IRX5: variants seen among roughly 807,000 people sequenced by gnomAD.
IRX5 encodes iroquois homeobox 5.
IRX5 carries 8 observed loss-of-function variants against 37.6 expected under a neutral mutation model. The observed-to-expected ratio is 0.21, with a 90% confidence interval of 0.12 to 0.38. The LOEUF (loss-of-function observed/expected upper bound fraction) is 0.38. Ranked by LOEUF, IRX5 falls within the 10% of genes least tolerant of loss-of-function variation. The pLI, the probability that IRX5 is intolerant of heterozygous loss-of-function variation, is 1.00. For synonymous variants in IRX5, 359 were observed against 328.6 expected (o/e 1.09, Z -1.00); for missense variants, 635 against 695.2 (o/e 0.91, Z 0.97).
At position 54,931,409 on chromosome 16, in the gene IRX5, C is replaced by G. The variant is rs767362160; in HGVS notation, c.211C>G (p.Pro71Ala). The change falls in exon 1 of 3, where the codon CCC (proline) becomes GCC (alanine). Residue 71 changes from proline to alanine, a missense_variant. This residue lies in a region of IRX5 where 145 missense variants were observed against 152.4 expected (regional missense o/e 0.95). Transcript: ENST00000394636. ...CTCGCACCTCCAGTACGGCGCCGAC[C>G]CCGCGGCCGCCGCCGCCGCCGCCTT... ...YNSHLQYGAD[P>A]AAAAAAAFSS... 1 of 1,593,576 alleles carries G rather than the reference C, an allele frequency of 6.3e-7. No homozygotes were observed. Among genetic ancestry groups the G allele is most frequent in the South Asian group, 1.1e-5 (1 of 90,574 alleles).
At position 54,933,330 on chromosome 16, in the gene IRX5, C is replaced by T. The variant is rs1963926984; in HGVS notation, c.909C>T (p.Ala303=). ...CGCCGGCGCCCGGCCCGCATCCAGC[C>T]GCGGGCGAGGTGCCTCCGGGTCCCG... ...AGAPAPGPHP[A]AGEVPPGPGG... Residue 303 remains alanine (A), a synonymous_variant, in exon 3 of 3, where the codon GCC becomes GCT. Coordinates refer to ENST00000394636, the MANE Select transcript of IRX5 (RefSeq NM_005853.6). The T allele has an allele frequency of 6.8e-7, 1 of 1,467,930 alleles. No homozygotes were observed. Among genetic ancestry groups the T allele is most frequent in the Non-Finnish European group, 9.0e-7 (1 of 1,114,002 alleles). The allele number at this position is 1,467,930 out of a possible 1,614,324, so 90.9% of individuals were successfully genotyped here.
chr16:54,931,710 A>C (rs1385654218), intron 1 of IRX5, among the ~76,000 whole-genome samples: 1 of 152,256 alleles, frequency 6.6e-6, no homozygotes, highest in Non-Finnish European at 1.5e-5. Flanking sequence ...ATTAAAGAGC[A>C]GCATTTGGTG....
Position 54,932,040 on chromosome 16 carries a change from T to C in IRX5, c.250-458T>C. On this transcript the variant is annotated intron_variant, in intron 1 of 2. Coordinates refer to ENST00000394636, the MANE Select transcript of IRX5 (RefSeq NM_005853.6). This position sits in a 1 kb window ranked among gnomAD's most constrained non-coding sequence, Gnocchi z 6.7. ...TGCGTGGGCATGGCTCAGCTTTTTG[T>C]TTGCATTTCTTAGCTGTTGAAAAAA... 1 of 701,770 alleles carries C rather than the reference T, an allele frequency of 1.4e-6. No individual in the cohort carries two copies. Among genetic ancestry groups the C allele is most frequent in the Non-Finnish European group, 2.6e-6 (1 of 384,548 alleles). 43.5% of individuals were successfully genotyped at this position (701,770 alleles called of 1,614,324 possible). A position where few individuals can be genotyped will look rare whatever the true frequency, so the allele number is the denominator to read the frequency against.
rs923982801 is a variant in IRX5 at position 54,932,194 on chromosome 16, C to G, written c.250-304C>G. 2.8e-6 allele frequency: 2 copies of G among 702,782 alleles called. No individual in the cohort carries two copies. The highest frequency in any genetic ancestry group is 5.2e-6 in the Non-Finnish European group (2 of 384,968). The allele number at this position is 702,782 out of a possible 1,614,324, so 43.5% of individuals were successfully genotyped here. A position where few individuals can be genotyped will look rare whatever the true frequency, so the allele number is the denominator to read the frequency against. On this transcript the variant is annotated intron_variant, in intron 1 of 2. Transcript: ENST00000394636. This position sits in a 1 kb window ranked among gnomAD's most constrained non-coding sequence, Gnocchi z 6.7. ...GCATGGAGGGCCGGGCCGCCGTGGC[C>G]AGATCTGCGCACGGGGTACGGACGT...
Position 54,933,863 on chromosome 16 carries a change from C to A in IRX5, c.1442C>A (p.Ser481Tyr). ...DSPYELKKGM[S>Y]DI The stretch of plus-strand genomic sequence containing the variant: ...CCCTATGAATTGAAGAAAGGTATGT[C>A]CGACATTTAACGCGGGCTGCGTCGG... Residue 481 changes from serine (S) to tyrosine (Y), a missense_variant, in exon 3 of 3, where the codon TCC becomes TAC. By Grantham distance (144) the Ser-to-Tyr change is moderately radical. Coordinates refer to ENST00000394636, the MANE Select transcript of IRX5 (RefSeq NM_005853.6). The A allele has an allele frequency of 6.3e-7, 1 of 1,584,918 alleles. No homozygotes were observed. Among genetic ancestry groups the A allele is most frequent in the South Asian group, 1.1e-5 (1 of 89,054 alleles).
In IRX5 at chr16:54,932,855, GAGCCCCAGA is replaced by G. The variant is rs756100151; in HGVS notation, c.613_621del (p.Gln205_Pro207del). ...TGACCTGGAGAAGAACGACGAGGACGAGCCCCAGAAGCCCGAGGACAAGGGCGACCCCGA... is the reference window on the plus strand; with the variant it reads ...TGACCTGGAGAAGAACGACGAGGACGAGCCCGAGGACAAGGGCGACCCCGA... On this transcript the variant is annotated inframe_deletion, in exon 2 of 3. Coordinates refer to ENST00000394636, the MANE Select transcript of IRX5 (RefSeq NM_005853.6). This position sits in a 1 kb window ranked among gnomAD's most constrained non-coding sequence, Gnocchi z 6.7. The G allele has an allele frequency of 2.5e-6, 4 of 1,614,024 alleles. No individual in the cohort carries two copies. In the East Asian group the frequency reaches 8.9e-5, roughly 36 times the overall value.
At position 54,933,295 on chromosome 16, in the gene IRX5, C is replaced by G; in HGVS notation, c.874C>G (p.Pro292Ala). The stretch of plus-strand genomic sequence containing the variant: ...GGCGGAGGACCCGGCCCCTCACTAC[C>G]CCGCCGGAGCGCCGGCGCCCGGCCC... ...RLAEDPAPHY[P>A]AGAPAPGPHP... is the part of the protein sequence containing the mutation. The change falls in exon 3 of 3, where the codon CCC becomes GCC. Residue 292 changes from proline (P) to alanine (A), a missense_variant. This residue lies in a region of IRX5 where 244 missense variants were observed against 205.4 expected (regional missense o/e 1.19). Transcript: ENST00000394636. The G allele has an allele frequency of 5.7e-6, 8 of 1,397,196 alleles. No individual in the cohort carries two copies. The highest frequency in any genetic ancestry group is 7.4e-6 in the Non-Finnish European group (8 of 1,083,082). The allele number at this position is 1,397,196 out of a possible 1,614,324, so 86.5% of individuals were successfully genotyped here.
rs1963937377 is a variant in IRX5, at chr16:54,933,843, T to C, written c.1422T>C (p.Tyr474=). 1 of 1,604,874 alleles carries C rather than the reference T, an allele frequency of 6.2e-7. No individual in the cohort carries two copies. The highest frequency in any genetic ancestry group is 8.5e-7 in the Non-Finnish European group (1 of 1,173,074). ...SQLDLCKDSP[Y]ELKKGMSDI is the part of the protein sequence containing the mutation. ...TAGACCTGTGCAAAGACTCTCCCTA[T>C]GAATTGAAGAAAGGTATGTCCGACA... Residue 474 remains tyrosine, a synonymous_variant, in exon 3 of 3, where the codon TAT becomes TAC. Transcript: ENST00000394636.
At position 54,932,362 on chromosome 16, in the gene IRX5, CT is replaced by C; in HGVS notation, c.250-134del. 9.8e-7 allele frequency: 1 copy of C among 1,021,166 alleles called. No homozygotes were observed. Among genetic ancestry groups the C allele is most frequent in the Non-Finnish European group, 1.4e-6 (1 of 714,918 alleles). 63.3% of individuals were successfully genotyped at this position (1,021,166 alleles called of 1,614,324 possible). A position where few individuals can be genotyped will look rare whatever the true frequency, so the allele number is the denominator to read the frequency against. ...GCTCCTAGGTCTGAACCCCGCCAGC[CT>C]TGCCCCGTAGGAAGCTGGAGTGCGG... On this transcript the variant is annotated intron_variant, in intron 1 of 2. Coordinates refer to ENST00000394636, the MANE Select transcript of IRX5 (RefSeq NM_005853.6). The surrounding 1 kb of genome is among the most constrained non-coding windows in gnomAD (Gnocchi z 6.7).
chr16:54,933,442 G>T lies in IRX5; in HGVS notation c.1021G>T (p.Ala341Ser). Reference protein sequence around the residue: ...KPKLWSLAEIATSSDKVKDGG... With the variant: ...KPKLWSLAEISTSSDKVKDGG... The stretch of plus-strand genomic sequence containing the variant: ...CAAACTGTGGTCTTTGGCAGAGATC[G>T]CCACATCGTCGGACAAGGTCAAGGA... Residue 341 changes from alanine to serine, a missense_variant, in exon 3 of 3, where the codon GCC becomes TCC. By Grantham distance (99) the Ala-to-Ser change is moderately conservative. Transcript: ENST00000394636. 6.2e-7 allele frequency: 1 copy of T among 1,611,246 alleles called. No homozygotes were observed.
rs1192138610 is a variant in IRX5, at chr16:54,931,289, C to T, written c.91C>T (p.Pro31Ser). 1.2e-6 allele frequency: 2 copies of T among 1,612,624 alleles called. No homozygotes were observed. The highest frequency in any genetic ancestry group is 1.7e-6 in the Non-Finnish European group (2 of 1,179,638). ...PAYSTSVISGPRTDELGRSSS... is the reference protein window; with the variant it reads ...PAYSTSVISGSRTDELGRSSS... ...GTACAGCACCAGCGTCATTTCGGGG[C>T]CCCGCACGGATGAGCTCGGCCGCTC... is the stretch of plus-strand genomic sequence containing the variant. The change falls in exon 1 of 3, where the codon CCC becomes TCC. Residue 31 changes from proline (P) to serine (S), a missense_variant. Physicochemically the swap from Pro to Ser is moderately conservative, Grantham distance 74 (BLOSUM62 -1). This residue lies in a region of IRX5 where 145 missense variants were observed against 152.4 expected (regional missense o/e 0.95). Coordinates refer to ENST00000394636, the MANE Select transcript of IRX5 (RefSeq NM_005853.6).
At position 54,932,939 on chromosome 16, in the gene IRX5, G is replaced by A. The variant is rs1376032955; in HGVS notation, c.655+36G>A. 1.3e-6 allele frequency: 2 copies of A among 1,588,604 alleles called. No homozygotes were observed. Among genetic ancestry groups the A allele is most frequent in the Admixed American group, 3.6e-5 (2 of 55,254 alleles). On this transcript the variant is annotated intron_variant, in intron 2 of 2. Coordinates refer to ENST00000394636, the MANE Select transcript of IRX5 (RefSeq NM_005853.6). The surrounding 1 kb of genome is among the most constrained non-coding windows in gnomAD (Gnocchi z 6.7). ...ATGGGAAAGGGCGTGTTGGGCGGGAGTAAAAAGGAAAAGAGAGGCCTGGAG... is the reference window on the plus strand; with the variant it reads ...ATGGGAAAGGGCGTGTTGGGCGGGAATAAAAAGGAAAAGAGAGGCCTGGAG...
rs758779375 is a variant in IRX5 at position 54,931,430 on chromosome 16, G to A, written c.232G>A (p.Ala78Thr). Residue 78 changes from alanine to threonine, a missense_variant, in exon 1 of 3, where the codon GCC (alanine) becomes ACC (threonine). Physicochemically the swap from Ala to Thr is moderately conservative, Grantham distance 58 (BLOSUM62 0). Transcript: ENST00000394636. ...GADPAAAAAAAFSSYVGSPYD... is the reference protein window; with the variant it reads ...GADPAAAAAATFSSYVGSPYD... ...CGACCCCGCGGCCGCCGCCGCCGCC[G>A]CCTTCTCCTCGTACGTGGTAAGTGA... The A allele has an allele frequency of 1.3e-6, 2 of 1,588,822 alleles. 1 individual carries two copies. Among genetic ancestry groups the A allele is most frequent in the South Asian group, 2.2e-5 (2 of 90,000 alleles).
intron 1 of IRX5, chr16:54,931,963 T>C (rs1963902648): frequency 1.6e-6 from 1 of 641,138 alleles, no homozygotes; most frequent in Admixed American, 2.5e-5. Context: ...ATCCGGGATT[T>C]TTCGGCCGGG....
At position 54,931,414 on chromosome 16, in the gene IRX5, G is replaced by GGCC. The variant is rs554378293; in HGVS notation, c.232_234dup (p.Ala78dup). ...ACCTCCAGTACGGCGCCGACCCCGCGGCCGCCGCCGCCGCCGCCTTCTCCT... is the reference window on the plus strand; with the variant it reads ...ACCTCCAGTACGGCGCCGACCCCGCGGCCGCCGCCGCCGCCGCCGCCTTCTCCT... On this transcript the variant is annotated inframe_insertion, in exon 1 of 3. Coordinates refer to ENST00000394636, the MANE Select transcript of IRX5 (RefSeq NM_005853.6). 7.8e-5 allele frequency: 124 copies of GGCC among 1,591,964 alleles called. No individual in the cohort carries two copies. Among genetic ancestry groups the GGCC allele is most frequent in the African/African-American group, 6.0e-4 (45 of 74,550 alleles).
At chr16:54,931,564 C>T in intron 1 of IRX5, 117 bp downstream of exon 1, 1 of 1,346,790 alleles carries the variant, frequency 7.4e-7, no homozygotes, top group East Asian at 2.6e-5. Context: ...AGCTTCGCGG[C>T]CCCTTCAAAC....
chr16:54,931,081 C>A lies in IRX5; in HGVS notation c.-118C>A. ...GCGGGCCGGAGCCCCGGAGCCGGGG[C>A]CAGAGGAGCGGCGGCCCAGGGCAGC... is the stretch of plus-strand genomic sequence containing the variant. On this transcript the variant is annotated 5_prime_UTR_variant, in exon 1 of 3. Coordinates refer to ENST00000394636, the MANE Select transcript of IRX5 (RefSeq NM_005853.6). The A allele has an allele frequency of 1.4e-6, 1 of 719,678 alleles. No homozygotes were observed. Among genetic ancestry groups the A allele is most frequent in the Non-Finnish European group, 1.7e-6 (1 of 572,610 alleles). The allele number at this position is 719,678 out of a possible 1,614,324, so 44.6% of individuals were successfully genotyped here. A position where few individuals can be genotyped will look rare whatever the true frequency, so the allele number is the denominator to read the frequency against.
At position 54,933,170 on chromosome 16, in the gene IRX5, C is replaced by A; in HGVS notation, c.749C>A (p.Ser250Ter). ...GKETEGSLSD[S>*]DFKEPPSEGR... ...GAGACGGAGGGCAGCCTCAGCGACT[C>A]GGATTTTAAGGAGCCGCCCTCGGAG... Residue 250 changes from serine to a stop codon, truncating the protein, a stop_gained, in exon 3 of 3, where the codon TCG (serine) becomes TAG (stop). Transcript: ENST00000394636. LOFTEE classifies it high-confidence loss of function. 6.4e-7 allele frequency: 1 copy of A among 1,567,466 alleles called. No homozygotes were observed. The highest frequency in any genetic ancestry group is 2.3e-5 in the East Asian group (1 of 43,106).
In IRX5 at chr16:54,933,143, A is replaced by T; in HGVS notation, c.722A>T (p.Lys241Met). 1 of 1,582,316 alleles carries T rather than the reference A, an allele frequency of 6.3e-7. No homozygotes were observed. Among genetic ancestry groups the T allele is most frequent in the Non-Finnish European group, 8.5e-7 (1 of 1,171,500 alleles). ...CAGGGACCACCCACCCCTGCAGGCA[A>T]GGAGACGGAGGGCAGCCTCAGCGAC... ...RLQGPPTPAG[K>M]ETEGSLSDSD... is the part of the protein sequence containing the mutation. The change falls in exon 3 of 3, where the codon AAG (lysine) becomes ATG (methionine). Residue 241 changes from lysine to methionine, a missense_variant. Transcript: ENST00000394636.
Sources: allele counts gnomAD v4.1 joint callset (sites outside exome capture counted in the v4.1 genomes callset), GRCh38; gene constraint gnomAD v4.1.1; regional missense constraint gnomAD v4.1.1; non-coding constraint Gnocchi (gnomAD v3.1); transcripts MANE v1.5; gene names NCBI Gene and HGNC (gene_info 2026-07-23, HGNC 2026-07-21).